TBC1D13: variants seen among roughly 807,000 people sequenced by gnomAD.
TBC1D13 encodes the protein epididymis secretory sperm binding protein.
TBC1D13 carries 40 observed loss-of-function variants against 53.6 expected under a neutral mutation model. That is an observed-to-expected ratio of 0.75 (90% CI 0.58 to 0.97). TBC1D13 has a LOEUF of 0.97. Among genes scored for constraint, TBC1D13 ranks in the 50% least tolerant of loss-of-function variants. The pLI, the probability that TBC1D13 is intolerant of heterozygous loss-of-function variation, is 0.00. For missense variants in TBC1D13, 377 were observed against 499.4 expected, an observed-to-expected ratio of 0.75 and a Z score of 2.34; for synonymous variants, 182 against 197.7, an observed-to-expected ratio of 0.92 and a Z score of 0.67.
Position 128,807,810 on chromosome 9 carries a change from C to T in TBC1D13, c.1138-4C>T, listed in dbSNP as rs765496331. 4 of 1,613,930 alleles carry T rather than the reference C, an allele frequency of 2.5e-6. No homozygotes were observed. The African/African-American group carries it at 5.3e-5, about 22-fold the overall frequency. Reference sequence around the variant, plus strand: ...GGCAACTGTTGGCCTTTTCCTGTGCCCAGGACTACCCCATCACAGATGTCT... The same window carrying T: ...GGCAACTGTTGGCCTTTTCCTGTGCTCAGGACTACCCCATCACAGATGTCT... On this transcript the variant is annotated splice_polypyrimidine_tract_variant and splice_region_variant and intron_variant, in intron 11 of 11. Coordinates refer to ENST00000372648, the MANE Select transcript of TBC1D13 (RefSeq NM_018201.5).
In TBC1D13 at chr9:128,787,336, G is replaced by T; in HGVS notation, c.-18G>T. ...GCGCAGGCGGCGGAGGCGGCTGGGG[G>T]GTCCGGAAGTCAACACCATGTCAAG... On this transcript the variant is annotated 5_prime_UTR_variant, in exon 1 of 12. Coordinates refer to ENST00000372648, the MANE Select transcript of TBC1D13 (RefSeq NM_018201.5). 7.9e-7 allele frequency: 1 copy of T among 1,259,216 alleles called. No individual in the cohort carries two copies. Among genetic ancestry groups the T allele is most frequent in the Non-Finnish European group, 1.0e-6 (1 of 995,972 alleles). The allele number at this position is 1,259,216 out of a possible 1,614,324, so 78.0% of individuals were successfully genotyped here. A position where few individuals can be genotyped will look rare whatever the true frequency, so the allele number is the denominator to read the frequency against.
intron 7 of TBC1D13, among the ~76,000 whole-genome samples, chr9:128,799,832 T>C (rs1278182961): frequency 6.6e-6 from 1 of 152,152 alleles, no homozygotes; most frequent in African/African-American, 2.4e-5. Flanking sequence ...CCATCCTGGC[T>C]AATATGGTGA....
chr9:128,803,472 C>G lies in TBC1D13; in HGVS notation c.754+12C>G. The stretch of plus-strand genomic sequence containing the variant: ...TAGTGAGTGGAAAGGTAAGAAGGCT[C>G]TTGGTGCCCACATCCCTCGTTGCTG... On this transcript the variant is annotated intron_variant, in intron 8 of 11. Coordinates refer to ENST00000372648, the MANE Select transcript of TBC1D13 (RefSeq NM_018201.5). The G allele has an allele frequency of 6.2e-7, 1 of 1,613,296 alleles. No homozygotes were observed. The highest frequency in any genetic ancestry group is 8.5e-7 in the Non-Finnish European group (1 of 1,179,540).
At chr9:128,806,210 C>CA (rs1249934323) in intron 10 of TBC1D13, 44 bp from the exon 11 acceptor site, 4 of 1,613,754 alleles carry the variant, frequency 2.5e-6, no homozygotes, top group Non-Finnish European at 3.4e-6. Context: ...GGCCTGCACT[C>CA]AGAGCATCCC....
Position 128,802,286 on chromosome 9 carries a change from G to A in TBC1D13, c.544-964G>A, listed in dbSNP as rs146924533. 1.1e-3 allele frequency among the ~76,000 whole-genome samples: 163 copies of A among 151,870 alleles called. 3 individuals are homozygous for A. The East Asian group carries it at 0.028, about 26-fold the overall frequency. On this transcript the variant is annotated intron_variant, in intron 7 of 11. Transcript: ENST00000372648. ...TTGGTCAGGCTGGTCTTGAACTCCCGACCTCAGGTAATCTGCCCGTCTTGA... is the reference window on the plus strand; with the variant it reads ...TTGGTCAGGCTGGTCTTGAACTCCCAACCTCAGGTAATCTGCCCGTCTTGA...
intron 5 of TBC1D13, 40 bp from the exon 6 acceptor site, chr9:128,792,452 A>G: frequency 6.2e-7 from 1 of 1,601,380 alleles, no homozygotes; most frequent in South Asian, 1.1e-5. Flanking sequence ...CCCGGGGCCT[A>G]GCTGGGCCTT....
intron 1 of TBC1D13, among the ~76,000 whole-genome samples, 182 bp downstream of exon 1, chr9:128,787,558 T>G (rs1829446304): frequency 6.6e-6 from 1 of 152,036 alleles, no homozygotes; most frequent in Non-Finnish European, 1.5e-5. Flanking sequence ...GGGGCGGCCC[T>G]TCTCCTGCCC....
chr9:128,790,763 C>A lies in TBC1D13; in HGVS notation c.126C>A (p.Cys42Ter). 1 of 1,554,682 alleles carries A rather than the reference C, an allele frequency of 6.4e-7. No homozygotes were observed. Among genetic ancestry groups the A allele is most frequent in the Non-Finnish European group, 8.6e-7 (1 of 1,159,760 alleles). ...TCCCCTGTGAGGGCGGACTGCGGTG[C>A]CTCTGCTGGAAGGTGGGTGTGCCTG... ...SGIPCEGGLR[C>*]LCWKILLNYL... Residue 42 changes from cysteine to a stop codon, truncating the protein, a stop_gained, in exon 3 of 12, where the codon TGC becomes TGA. Transcript: ENST00000372648. LOFTEE classifies it high-confidence loss of function.
intron 6 of TBC1D13, among the ~76,000 whole-genome samples, 178 bp from the exon 7 acceptor site, chr9:128,796,877 A>G (rs903999911): frequency 6.6e-6 from 1 of 152,122 alleles, no homozygotes; most frequent in Non-Finnish European, 1.5e-5. Context: ...TGGAGCTTGC[A>G]GTGAGCAGAG....
intron 1 of TBC1D13, 129 bp from the exon 2 acceptor site, chr9:128,788,205 T>C (rs1429703280): frequency 1.4e-6 from 1 of 740,314 alleles, no homozygotes; most frequent in African/African-American, 1.8e-5. Context: ...GACTAAGCTG[T>C]GTGATTTTTA....
At chr9:128,793,348 T>A (rs1829568883) in intron 6 of TBC1D13, among the ~76,000 whole-genome samples, 1 of 152,196 alleles carries the variant, frequency 6.6e-6, no homozygotes, top group African/African-American at 2.4e-5. Flanking sequence ...TAAAGAAATG[T>A]GGAGATGCTG....
At chr9:128,789,523 A>G (rs7033131) in intron 2 of TBC1D13, among the ~76,000 whole-genome samples, 4,101 of 152,034 alleles carry the variant, frequency 0.027, 192 homozygotes, top group African/African-American at 0.093. Flanking sequence ...AGTCAGTGTT[A>G]GTAGTTAAGA....
In TBC1D13 at chr9:128,792,593, G is replaced by C. The variant is rs1564423148; in HGVS notation, c.383+19G>C. 6.2e-7 allele frequency: 1 copy of C among 1,611,754 alleles called. No individual in the cohort carries two copies. Among genetic ancestry groups the C allele is most frequent in the African/African-American group, 1.3e-5 (1 of 74,920 alleles). On this transcript the variant is annotated intron_variant, in intron 6 of 11. Coordinates refer to ENST00000372648, the MANE Select transcript of TBC1D13 (RefSeq NM_018201.5). Reference sequence around the variant, plus strand: ...ATGTCCGGTAGGCAGGGTGCCTGGGGCCGGGAGCTGGCCCATGGGACTTCT... The same window carrying C: ...ATGTCCGGTAGGCAGGGTGCCTGGGCCCGGGAGCTGGCCCATGGGACTTCT...
Position 128,797,206 on chromosome 9 carries a change from G to T in TBC1D13, c.535G>T (p.Val179Phe). The change falls in exon 7 of 12, where the codon GTC (valine) becomes TTC (phenylalanine). Residue 179 changes from valine to phenylalanine, a missense_variant. By Grantham distance (50) the Val-to-Phe change is conservative. Coordinates refer to ENST00000372648, the MANE Select transcript of TBC1D13 (RefSeq NM_018201.5). ...GACGGTGGCCCGGAACCGGAGTGGG[G>T]TCACAAATGTGAGTGCCAACCTGGG... ...SQTVARNRSG[V>F]TNMSSPHKNS... 6.2e-7 allele frequency: 1 copy of T among 1,613,960 alleles called. No homozygotes were observed. Among genetic ancestry groups the T allele is most frequent in the Non-Finnish European group, 8.5e-7 (1 of 1,179,944 alleles).
rs370685443 is a variant in TBC1D13 at position 128,806,028 on chromosome 9, G to T, written c.1079+9G>T. ...TGCTGCGCCATGCTCATGTGAGTGCGGGCATGAGCTGTCATCAGCTCACCT... is the reference window on the plus strand; with the variant it reads ...TGCTGCGCCATGCTCATGTGAGTGCTGGCATGAGCTGTCATCAGCTCACCT... On this transcript the variant is annotated intron_variant, in intron 10 of 11. Coordinates refer to ENST00000372648, the MANE Select transcript of TBC1D13 (RefSeq NM_018201.5). 4 of 1,612,674 alleles carry T rather than the reference G, an allele frequency of 2.5e-6. No homozygotes were observed.
intron 9 of TBC1D13, among the ~76,000 whole-genome samples, chr9:128,804,667 C>T (rs1247068679): frequency 1.3e-5 from 2 of 151,774 alleles, no homozygotes; most frequent in East Asian, 3.9e-4. Flanking sequence ...CCTCGGCCTC[C>T]CAAAGTGCTG....
chr9:128,807,585 G>C (rs776873187), intron 11 of TBC1D13, among the ~76,000 whole-genome samples: 1 of 152,206 alleles, frequency 6.6e-6, no homozygotes, highest in African/African-American at 2.4e-5. Flanking sequence ...GGAAAGGGCC[G>C]CAAGAGCCTG....
At chr9:128,795,222 T>A (rs1182538511) in intron 6 of TBC1D13, among the ~76,000 whole-genome samples, 1 of 130,504 alleles carries the variant, frequency 7.7e-6, no homozygotes, top group Non-Finnish European at 1.6e-5. Flanking sequence ...ACCCAGCTAA[T>A]TTTTTTTTTT....
Position 128,795,551 on chromosome 9 carries a change from C to A in TBC1D13, c.384-1504C>A, listed in dbSNP as rs1829615329. Among the ~76,000 whole-genome samples, 6 of 144,292 alleles carry A rather than the reference C, an allele frequency of 4.2e-5. No individual in the cohort carries two copies. The South Asian group carries it at 1.4e-3, about 33-fold the overall frequency. The allele number at this position is 144,292 out of a possible 152,430, so 94.7% of individuals were successfully genotyped here. ...TCTTGGCTCACTGCAAGCTCCGCCT[C>A]CCGGGTTCACACCATTCTCCTGCCT... On this transcript the variant is annotated intron_variant, in intron 6 of 11. Coordinates refer to ENST00000372648, the MANE Select transcript of TBC1D13 (RefSeq NM_018201.5).
Sources: gnomAD v4.1 joint callset for allele counts (sites outside exome capture counted in the v4.1 genomes callset) on GRCh38, gnomAD v4.1.1 for gene constraint, MANE v1.5 for transcripts, NCBI Gene and HGNC (gene_info 2026-07-23, HGNC 2026-07-21) for gene names.